Variants in SNX13 observed in about 807,000 individuals in gnomAD.
SNX13 encodes sorting nexin 13.
A neutral mutation model predicts 133.6 loss-of-function variants in SNX13; 45 were observed. The observed-to-expected ratio is 0.34, with a 90% CI of 0.27 to 0.43. The LOEUF is 0.43. SNX13 is among the 20% of genes least tolerant of loss of function. The pLI is 1.00. For missense variants in SNX13, 1,032 were observed against 1,145.1 expected (o/e 0.90, Z 1.43); for synonymous variants, 414 against 373.9 (o/e 1.11, Z -1.24).
At chr7:17,891,422 C>T (rs1796613365) in intron 4 of SNX13, 124 bp downstream of exon 4, 1 of 577,610 alleles carries the variant, frequency 1.7e-6, no homozygotes, top group African/African-American at 1.9e-5. Context: ...GTATAAAATT[C>T]AAGGATAACA....
intron 18 of SNX13, among the ~76,000 whole-genome samples, chr7:17,818,019 T>C (rs1786858671): frequency 6.6e-6 from 1 of 152,126 alleles, no homozygotes; most frequent in Non-Finnish European, 1.5e-5. Flanking sequence ...CAACCCAACC[T>C]GACTGGTATC....
intron 20 of SNX13, among the ~76,000 whole-genome samples, chr7:17,814,321 G>T (rs769779294): frequency 5.9e-5 from 9 of 152,110 alleles, no homozygotes; most frequent in Non-Finnish European, 8.8e-5. Context: ...TTCAAAGCTT[G>T]TGTTCTTACC....
At chr7:17,805,238 TGTGTGTGTGTGTGC>T (rs997568669) in intron 20 of SNX13, among the ~76,000 whole-genome samples, 10 of 113,054 alleles carry the variant, frequency 8.8e-5, no homozygotes, top group African/African-American at 1.5e-4. Context: ...TGTGTGTGTG[TGTGTGTGTGTGTGC>T]GTGCGCGCGC....
intron 5 of SNX13, among the ~76,000 whole-genome samples, chr7:17,877,872 C>T (rs766206432): frequency 6.6e-6 from 1 of 151,922 alleles, no homozygotes; most frequent in African/African-American, 2.4e-5. Context: ...CTTATTTCCA[C>T]TGACTTCATG....
intron 1 of SNX13, among the ~76,000 whole-genome samples, chr7:17,912,304 T>C (rs1428090931): frequency 1.3e-5 from 2 of 152,106 alleles, no homozygotes; most frequent in Admixed American, 6.6e-5. Context: ...GAGCGCCCTG[T>C]TTCTCCCAAA....
intron 16 of SNX13, 55 bp downstream of exon 16, chr7:17,829,955 A>T: frequency 7.9e-7 from 1 of 1,269,810 alleles, no homozygotes; most frequent in Non-Finnish European, 1.1e-6. Flanking sequence ...GTTAAGGCTC[A>T]GCCTTTTACA....
At chr7:17,892,137 G>A (rs935735747) in intron 3 of SNX13, among the ~76,000 whole-genome samples, 6 of 151,708 alleles carry the variant, frequency 4.0e-5, no homozygotes, top group African/African-American at 1.5e-4. Flanking sequence ...TTGGGGAAAA[G>A]GTAGTGGGAG....
intron 18 of SNX13, among the ~76,000 whole-genome samples, chr7:17,816,862 G>A (rs1032667994): frequency 1.3e-5 from 2 of 151,946 alleles, no homozygotes; most frequent in Non-Finnish European, 2.9e-5. Flanking sequence ...GACTATGTGG[G>A]GTTTCATTTA....
chr7:17,801,058 A>ATATATATATATATATC (rs1784593448), intron 22 of SNX13, among the ~76,000 whole-genome samples: 1 of 66,996 alleles, frequency 1.5e-5, no homozygotes, highest in Non-Finnish European at 3.1e-5. Context: ...ATATATATAT[A>ATATATATATATATATC]TATCCTGATA....
intron 15 of SNX13, chr7:17,831,227 A>T: frequency 3.0e-6 from 3 of 984,128 alleles, no homozygotes; most frequent in South Asian, 9.4e-5. Context: ...GTCGACATTT[A>T]ATCAAGAATT....
Position 17,798,919 on chromosome 7 carries a change from C to A in SNX13, c.2444+90G>T, listed in dbSNP as rs969602519. ...CTTAAAAGGCCCAGAGAAAAAAATT[C>A]TCCTACAAAGGTTGAGCAATCTACT... On this transcript the variant is annotated intron_variant, in intron 23 of 25. Coordinates refer to ENST00000428135, the MANE Select transcript of SNX13 (RefSeq NM_015132.5). 5.5e-6 allele frequency: 8 copies of A among 1,459,010 alleles called. No homozygotes were observed. In the African/African-American group the frequency reaches 7.2e-5, roughly 13 times the overall value. The allele number at this position is 1,459,010 out of a possible 1,614,324, so 90.4% of individuals were successfully genotyped here. A position where few individuals can be genotyped will look rare whatever the true frequency, so the allele number is the denominator to read the frequency against.
chr7:17,813,046 C>G (rs1786231281), intron 20 of SNX13, among the ~76,000 whole-genome samples: 1 of 151,922 alleles, frequency 6.6e-6, no homozygotes, highest in Admixed American at 6.6e-5. Context: ...AGCAAAGCAC[C>G]ATGGCACATG....
chr7:17,906,404 T>C (rs1798401123), intron 1 of SNX13, among the ~76,000 whole-genome samples: 1 of 152,056 alleles, frequency 6.6e-6, no homozygotes, highest in South Asian at 2.1e-4. Context: ...ATAGAAAACC[T>C]TAAGGGAAAC....
chr7:17,812,696 G>A (rs766188021), intron 20 of SNX13, among the ~76,000 whole-genome samples: 21 of 152,176 alleles, frequency 1.4e-4, no homozygotes, highest in African/African-American at 1.9e-4. Context: ...ACATGCACAC[G>A]TATGTTTATT....
intron 1 of SNX13, among the ~76,000 whole-genome samples, chr7:17,906,158 C>T (rs1291819525): frequency 6.6e-6 from 1 of 152,088 alleles, no homozygotes. Context: ...GGGAGAACGA[C>T]AGCCAGATGG....
chr7:17,801,672 C>T lies in SNX13; in HGVS notation c.2227-13G>A, dbSNP rs755710740. The T allele has an allele frequency of 3.8e-6, 6 of 1,594,914 alleles. No homozygotes were observed. The highest frequency in any genetic ancestry group is 5.1e-6 in the Non-Finnish European group (6 of 1,169,318). ...TTAAAGGAGGCACCTAAAAATAAAA[C>T]CAAATCCACAAAGTAAACACACTAA... On this transcript the variant is annotated splice_polypyrimidine_tract_variant and intron_variant, in intron 21 of 25. Coordinates refer to ENST00000428135, the MANE Select transcript of SNX13 (RefSeq NM_015132.5).
At chr7:17,829,570 T>C (rs1418386184) in intron 16 of SNX13, among the ~76,000 whole-genome samples, 2 of 151,426 alleles carry the variant, frequency 1.3e-5, no homozygotes, top group African/African-American at 2.4e-5. Context: ...TAAAGAAATA[T>C]CTATTCGGTT....
intron 9 of SNX13, among the ~76,000 whole-genome samples, chr7:17,867,994 C>T (rs954265385): frequency 1.3e-5 from 2 of 152,130 alleles, no homozygotes; most frequent in Non-Finnish European, 2.9e-5. Context: ...GAATCCAGAT[C>T]TTCTGGTTCT....
chr7:17,929,218 G>A (rs1245875820), intron 1 of SNX13, among the ~76,000 whole-genome samples: 3 of 151,944 alleles, frequency 2.0e-5, no homozygotes, highest in Non-Finnish European at 1.5e-5. Context: ...AGCATAGAGT[G>A]TAACTATATA....
Sources: gnomAD v4.1 joint callset for allele counts (sites outside exome capture counted in the v4.1 genomes callset) on GRCh38, gnomAD v4.1.1 for gene constraint, MANE v1.5 for transcripts, NCBI Gene and HGNC (gene_info 2026-07-23, HGNC 2026-07-21) for gene names.